Variants in XRCC4 observed in about 807,000 individuals in gnomAD.
XRCC4 encodes the protein DNA repair protein XRCC4.
Under a neutral mutation model 39.1 loss-of-function variants are expected in XRCC4, and 28 were observed. The ratio of observed to expected loss-of-function variants is 0.72; its 90% CI spans 0.53 to 0.98. The LOEUF (loss-of-function observed/expected upper bound fraction) is 0.98. Ranked by LOEUF, XRCC4 falls within the 50% of genes least tolerant of loss-of-function variation. The pLI is 0.00. For missense variants in XRCC4, 350 were observed against 376.4 expected (o/e 0.93, Z 0.58); for synonymous variants, 123 against 126.4 (o/e 0.97, Z 0.18).
At position 83,133,473 on chromosome 5, in the gene XRCC4, C is replaced by T. The variant is rs10474092; in HGVS notation, c.315+22270C>T. On this transcript the variant is annotated intron_variant, in intron 3 of 7. Coordinates refer to ENST00000396027, the MANE Select transcript of XRCC4 (RefSeq NM_003401.5). ...TTCTGCTGCCTTTTGTTTAGCTAGG[C>T]CCTGCCCCCAAAGGTGGATTCTACA... is the stretch of plus-strand genomic sequence containing the variant. 3.2e-3 allele frequency among the ~76,000 whole-genome samples: 492 copies of T among 152,306 alleles called. 2 individuals carry two copies. Among genetic ancestry groups the T allele is most frequent in the African/African-American group, 0.011 (469 of 41,564 alleles).
At chr5:83,199,373 C>T (rs1373494629) in intron 4 of XRCC4, among the ~76,000 whole-genome samples, 3 of 152,062 alleles carry the variant, frequency 2.0e-5, no homozygotes, top group Non-Finnish European at 1.5e-5. Flanking sequence ...CCATCTTTTT[C>T]CGTACTTAAA....
rs1295778319 is a variant in XRCC4 at position 83,101,280 on chromosome 5, G to A, written c.-10-3630G>A. ...TTGTTTATTAGCTTCTACGGTATAA[G>A]CATCTTTTAATGAAGCTCACAAAAT... is the stretch of plus-strand genomic sequence containing the variant. On this transcript the variant is annotated intron_variant, in intron 1 of 7. Coordinates refer to ENST00000396027, the MANE Select transcript of XRCC4 (RefSeq NM_003401.5). Among the ~76,000 whole-genome samples the A allele has an allele frequency of 2.0e-5, 3 of 152,094 alleles. No homozygotes were observed. In the East Asian group the frequency reaches 5.8e-4, roughly 29 times the overall value.
intron 3 of XRCC4, among the ~76,000 whole-genome samples, chr5:83,155,737 A>G (rs1320644996): frequency 1.3e-5 from 2 of 152,328 alleles, no homozygotes; most frequent in Middle Eastern, 6.8e-3. Flanking sequence ...TAAAACATTT[A>G]CACCAGTTTA....
intron 7 of XRCC4, among the ~76,000 whole-genome samples, chr5:83,318,156 G>A (rs375374190): frequency 6.9e-6 from 1 of 144,704 alleles, no homozygotes; most frequent in Non-Finnish European, 1.5e-5. Flanking sequence ...ATTCAACAAC[G>A]CTTCATGCTA....
chr5:83,095,609 C>T (rs1745640703), intron 1 of XRCC4, among the ~76,000 whole-genome samples: 1 of 152,034 alleles, frequency 6.6e-6, no homozygotes. Flanking sequence ...AGTTCTCTAC[C>T]TAGACAGGAT....
At chr5:83,144,519 T>A (rs1748347969) in intron 3 of XRCC4, among the ~76,000 whole-genome samples, 1 of 118,530 alleles carries the variant, frequency 8.4e-6, no homozygotes, top group African/African-American at 3.5e-5. Context: ...AAATGTTTTC[T>A]TTTTTGTTTG....
At chr5:83,202,062 A>AAAAAC (rs1674232294) in intron 4 of XRCC4, 1 of 151,780 alleles carries the variant, frequency 6.6e-6, no homozygotes, top group Non-Finnish European at 1.5e-5. Context: ...AAAAACAAAA[A>AAAAAC]ACCTGCCATA....
intron 7 of XRCC4, among the ~76,000 whole-genome samples, chr5:83,347,211 ATG>A (rs1756942855): frequency 1.3e-5 from 2 of 152,198 alleles, no homozygotes; most frequent in African/African-American, 4.8e-5. Context: ...AAAACTATAA[ATG>A]TGTAGAATGA....
chr5:83,081,047 G>A (rs1461772326), intron 1 of XRCC4, among the ~76,000 whole-genome samples: 1 of 152,144 alleles, frequency 6.6e-6, no homozygotes, highest in African/African-American at 2.4e-5. Flanking sequence ...TTAAATTTGT[G>A]GTTAGAAAAT....
At chr5:83,191,500 C>T (rs912032595) in intron 3 of XRCC4, among the ~76,000 whole-genome samples, 6 of 152,086 alleles carry the variant, frequency 3.9e-5, no homozygotes, top group African/African-American at 7.2e-5. Flanking sequence ...GTCAGGAGTT[C>T]GAGACCAGCC....
intron 6 of XRCC4, among the ~76,000 whole-genome samples, chr5:83,207,202 G>A (rs28360162): frequency 1.1e-3 from 171 of 152,192 alleles, no homozygotes; most frequent in African/African-American, 3.9e-3. Context: ...CTTAGTCAGA[G>A]TATCTTACCA....
chr5:83,152,871 C>T (rs1162673182), intron 3 of XRCC4, among the ~76,000 whole-genome samples: 1 of 152,084 alleles, frequency 6.6e-6, no homozygotes, highest in Non-Finnish European at 1.5e-5. Flanking sequence ...AGAAAACTGA[C>T]ATTGATAAAG....
intron 3 of XRCC4, among the ~76,000 whole-genome samples, chr5:83,189,616 A>G (rs958859244): frequency 2.6e-5 from 4 of 152,154 alleles, no homozygotes; most frequent in African/African-American, 9.7e-5. Flanking sequence ...TAGTTTTGCA[A>G]ATATAGTTTT....
At chr5:83,274,208 T>G (rs1201655934) in intron 7 of XRCC4, among the ~76,000 whole-genome samples, 1 of 152,236 alleles carries the variant, frequency 6.6e-6, no homozygotes. Flanking sequence ...TAGGTTTGAA[T>G]GTAAACTGTC....
chr5:83,243,634 C>G (rs776545740), intron 6 of XRCC4, among the ~76,000 whole-genome samples: 1 of 152,084 alleles, frequency 6.6e-6, no homozygotes, highest in Non-Finnish European at 1.5e-5. Context: ...AAAGAAATTT[C>G]TTACCAACAG....
At chr5:83,138,357 A>G (rs1228442937) in intron 3 of XRCC4, among the ~76,000 whole-genome samples, 4 of 152,156 alleles carry the variant, frequency 2.6e-5, no homozygotes, top group Admixed American at 6.5e-5. Context: ...TCTGGAGTCT[A>G]ATAAATTGGG....
In XRCC4 at chr5:83,183,444, G is replaced by GTGTA. The variant is rs1750294641; in HGVS notation, c.316-12323_316-12322insATGT. On this transcript the variant is annotated intron_variant, in intron 3 of 7. Coordinates refer to ENST00000396027, the MANE Select transcript of XRCC4 (RefSeq NM_003401.5). ...TGTGTGTGTGTGTGTGTGTGTGTGT[G>GTGTA]TGTGTGTGTGGCACATCAAGCCTGT... Among the ~76,000 whole-genome samples the GTGTA allele has an allele frequency of 6.7e-5, 10 of 148,366 alleles. No homozygotes were observed. In the South Asian group the frequency reaches 2.2e-3, roughly 33 times the overall value.
At chr5:83,294,313 A>C (rs1477847854) in intron 7 of XRCC4, among the ~76,000 whole-genome samples, 1 of 152,008 alleles carries the variant, frequency 6.6e-6, no homozygotes, top group Non-Finnish European at 1.5e-5. Flanking sequence ...AGGATGATAG[A>C]TTCAGTTGTT....
At chr5:83,287,384 T>C (rs1307960962) in intron 7 of XRCC4, among the ~76,000 whole-genome samples, 3 of 152,102 alleles carry the variant, frequency 2.0e-5, no homozygotes, top group Non-Finnish European at 2.9e-5. Context: ...CACAGCTTTC[T>C]ATGCCTTATT....
Sources: gnomAD v4.1 joint callset for allele counts (sites outside exome capture counted in the v4.1 genomes callset) on GRCh38, gnomAD v4.1.1 for gene constraint, MANE v1.5 for transcripts, NCBI Gene and HGNC (gene_info 2026-07-23, HGNC 2026-07-21) for gene names.